Variants in KLF13 observed in about 807,000 individuals in gnomAD.
KLF13 encodes the protein KLF transcription factor 13.
Under a neutral mutation model 16.7 loss-of-function variants are expected in KLF13, and 8 were observed. That is an observed-to-expected ratio of 0.48 (90% CI 0.28 to 0.87). The LOEUF (loss-of-function observed/expected upper bound fraction) is 0.87, where lower values mean the gene tolerates loss of function less well. KLF13 is among the 40% of genes least tolerant of loss of function. KLF13 has a pLI of 0.10. For missense variants in KLF13, 447 were observed against 452.2 expected, an observed-to-expected ratio of 0.99 and a Z score of 0.10; for synonymous variants, 245 against 208.4, an observed-to-expected ratio of 1.18 and a Z score of -1.51.
intron 1 of KLF13, among the ~76,000 whole-genome samples, chr15:31,419,238 A>T (rs1423005429): frequency 1.3e-5 from 2 of 151,996 alleles, no homozygotes; most frequent in Admixed American, 6.6e-5. Context: ...CACAAATCCC[A>T]GTAAAAAATA....
In KLF13 at chr15:31,372,417, C is replaced by T. The variant is rs1158642255; in HGVS notation, c.*118C>T. On this transcript the variant is annotated 3_prime_UTR_variant, in exon 2 of 2. Coordinates refer to ENST00000307145, the MANE Select transcript of KLF13 (RefSeq NM_015995.4). ...AAGTCCACGAAAAAACAATTTTTTT[C>T]ACCTCAGGTGTCAAAGTAAATTTGT... The T allele has an allele frequency of 9.0e-7, 1 of 1,114,076 alleles. No homozygotes were observed. The highest frequency in any genetic ancestry group is 2.4e-5 in the South Asian group (1 of 42,370). 69.0% of individuals were successfully genotyped at this position (1,114,076 alleles called of 1,614,324 possible).
chr15:31,370,816 T>G (rs1156673258), intron 1 of KLF13, among the ~76,000 whole-genome samples: 1 of 152,208 alleles, frequency 6.6e-6, no homozygotes, highest in African/African-American at 2.4e-5. Context: ...AAATTTCAAG[T>G]TAAAATTTTC....
intron 1 of KLF13, among the ~76,000 whole-genome samples, chr15:31,350,726 G>T (rs1018799479): frequency 6.6e-6 from 1 of 152,234 alleles, no homozygotes; most frequent in Admixed American, 6.5e-5. Flanking sequence ...TGAAGGATCC[G>T]CAAGGAAGCT....
intron 1 of KLF13, among the ~76,000 whole-genome samples, chr15:31,370,278 G>A (rs930750604): frequency 2.0e-5 from 3 of 151,952 alleles, no homozygotes; most frequent in Non-Finnish European, 1.5e-5. Flanking sequence ...ACCAGGAGAC[G>A]GAACATCGTG....
intron 1 of KLF13, among the ~76,000 whole-genome samples, chr15:31,352,216 G>C (rs1306717677): frequency 1.3e-5 from 2 of 152,202 alleles, no homozygotes; most frequent in African/African-American, 4.8e-5. Flanking sequence ...CTGAGATCTT[G>C]GAGGCTTTGT....
chr15:31,391,615 G>C (rs1595493418), upstream of KLF13, among the ~76,000 whole-genome samples: 1 of 151,032 alleles, frequency 6.6e-6, no homozygotes, highest in Admixed American at 6.6e-5. Flanking sequence ...CCCCGCCCCC[G>C]CCCCCGACGC....
At chr15:31,328,538 T>C (rs1342508925) in intron 1 of KLF13, among the ~76,000 whole-genome samples, 8 of 151,752 alleles carry the variant, frequency 5.3e-5, no homozygotes, top group African/African-American at 1.7e-4. Context: ...AGGAATGCCC[T>C]GGCCGCTGCC....
At chr15:31,406,031 A>G (rs1166844362), downstream of KLF13, among the ~76,000 whole-genome samples, 3 of 152,240 alleles carry the variant, frequency 2.0e-5, no homozygotes, top group African/African-American at 4.8e-5. Context: ...AAAAGTTTAG[A>G]GACATTAAAA....
intron 1 of KLF13, among the ~76,000 whole-genome samples, chr15:31,370,215 T>G (rs956017119): frequency 2.0e-5 from 3 of 151,980 alleles, no homozygotes; most frequent in Non-Finnish European, 4.4e-5. Context: ...CCCCAACATG[T>G]AAAATCAATA....
chr15:31,360,802 C>T (rs1234408660), intron 1 of KLF13, among the ~76,000 whole-genome samples: 1 of 152,234 alleles, frequency 6.6e-6, no homozygotes, highest in African/African-American at 2.4e-5. Context: ...GATGTATTTA[C>T]TTTGTGAAAC....
chr15:31,388,543 A>G (rs1405305029), upstream of KLF13, among the ~76,000 whole-genome samples: 1 of 150,586 alleles, frequency 6.6e-6, no homozygotes, highest in Non-Finnish European at 1.5e-5. Flanking sequence ...GCTTGAACCC[A>G]GGAGGTGGAG....
At chr15:31,407,755 A>G (rs778440270), downstream of KLF13, among the ~76,000 whole-genome samples, 14 of 152,326 alleles carry the variant, frequency 9.2e-5, no homozygotes, top group African/African-American at 1.9e-4. Flanking sequence ...GAAATATACT[A>G]TAAAATGAAC....
At chr15:31,352,751 G>A (rs894630404) in intron 1 of KLF13, among the ~76,000 whole-genome samples, 1 of 152,194 alleles carries the variant, frequency 6.6e-6, no homozygotes, top group Admixed American at 6.5e-5. Context: ...CTGTTAGGTG[G>A]CAGAGATCAG....
At chr15:31,413,206 A>AAAAAAAAAAAAAAAC (rs1566843740) in intron 1 of KLF13, among the ~76,000 whole-genome samples, 6 of 145,444 alleles carry the variant, frequency 4.1e-5, no homozygotes, top group African/African-American at 7.4e-5. Context: ...AAAAAAACAA[A>AAAAAAAAAAAAAAAC]AAACAAAAAA....
chr15:31,414,783 G>A (rs1263506041), intron 1 of KLF13, among the ~76,000 whole-genome samples: 2 of 152,142 alleles, frequency 1.3e-5, no homozygotes, highest in Non-Finnish European at 2.9e-5. Flanking sequence ...ATGATAGAAT[G>A]ATTAGACAGA....
At chr15:31,402,758 T>A (rs1383544703) in intron 2 of KLF13, among the ~76,000 whole-genome samples, 1 of 152,220 alleles carries the variant, frequency 6.6e-6, no homozygotes, top group Non-Finnish European at 1.5e-5. Context: ...TCTAGACTTG[T>A]TTCTGTCAGA....
At chr15:31,391,755 T>G (rs2039874193), upstream of KLF13, among the ~76,000 whole-genome samples, 1 of 152,134 alleles carries the variant, frequency 6.6e-6, no homozygotes, top group Non-Finnish European at 1.5e-5. Context: ...TGGGTGTTAC[T>G]GCGCTCCTCA....
chr15:31,385,120 A>C (rs1008760887), intron 1 of KLF13, among the ~76,000 whole-genome samples: 2 of 152,182 alleles, frequency 1.3e-5, no homozygotes, highest in Admixed American at 1.3e-4. Context: ...ATCTGCAAAC[A>C]AGGAGGAGAG....
At chr15:31,341,180 A>G (rs2039015914) in intron 1 of KLF13, among the ~76,000 whole-genome samples, 1 of 152,230 alleles carries the variant, frequency 6.6e-6, no homozygotes, top group Non-Finnish European at 1.5e-5. Flanking sequence ...TTATCTAAAC[A>G]GAGGCACTGT....
Sources: gnomAD v4.1 joint callset for allele counts (sites outside exome capture counted in the v4.1 genomes callset) on GRCh38, gnomAD v4.1.1 for gene constraint, MANE v1.5 for transcripts, NCBI Gene and HGNC (gene_info 2026-07-23, HGNC 2026-07-21) for gene names.